Variants in SDK1 observed in about 807,000 individuals in gnomAD.
SDK1 encodes the protein protein sidekick-1.
SDK1 carries 157 observed loss-of-function variants against 245.5 expected under a neutral mutation model. The observed-to-expected ratio is 0.64, with a 90% CI of 0.56 to 0.73. The LOEUF (loss-of-function observed/expected upper bound fraction) is 0.73. Among genes scored for constraint, SDK1 ranks in the 30% least tolerant of loss-of-function variants. The pLI, the probability that SDK1 is intolerant of heterozygous loss-of-function variation, is 0.00. For missense variants in SDK1, 3,583 were observed against 3,002.3 expected, an observed-to-expected ratio of 1.19 and a Z score of -4.52; for synonymous variants, 1,647 against 1,278.5, an observed-to-expected ratio of 1.29 and a Z score of -6.15.
At chr7:3,612,862 C>T (rs772126839) in intron 1 of SDK1, among the ~76,000 whole-genome samples, 8 of 152,264 alleles carry the variant, frequency 5.3e-5, no homozygotes, top group East Asian at 1.9e-4. Context: ...TACAGCTCAT[C>T]GTCACTTCAC....
At chr7:3,565,854 T>TC (rs1317917584) in intron 1 of SDK1, among the ~76,000 whole-genome samples, 1 of 152,222 alleles carries the variant, frequency 6.6e-6, no homozygotes, top group Non-Finnish European at 1.5e-5. Flanking sequence ...TGCAATTTTT[T>TC]CCGAATATTT....
intron 1 of SDK1, among the ~76,000 whole-genome samples, chr7:3,394,865 AG>A (rs555651091): frequency 5.3e-5 from 8 of 152,078 alleles, no homozygotes; most frequent in Non-Finnish European, 1.2e-4. Context: ...CCTGTGAACT[AG>A]ATGTGCTTTT....
intron 4 of SDK1, among the ~76,000 whole-genome samples, chr7:3,645,061 C>T (rs1475539231): frequency 6.6e-6 from 1 of 152,156 alleles, no homozygotes; most frequent in Non-Finnish European, 1.5e-5. Flanking sequence ...ATTAATCTAC[C>T]TGTTAACCTG....
intron 1 of SDK1, among the ~76,000 whole-genome samples, chr7:3,364,902 G>A (rs896438269): frequency 3.9e-5 from 6 of 152,014 alleles, no homozygotes; most frequent in African/African-American, 9.7e-5. Flanking sequence ...CTATGAACAT[G>A]GTATGTCTCA....
At position 3,330,298 on chromosome 7, in the gene SDK1, A is replaced by G. The variant is rs751495574; in HGVS notation, c.298+28414A>G. 3.9e-5 allele frequency among the ~76,000 whole-genome samples: 6 copies of G among 152,310 alleles called. No individual in the cohort carries two copies. In the East Asian group the frequency reaches 5.8e-4, roughly 15 times the overall value. On this transcript the variant is annotated intron_variant, in intron 1 of 44. Coordinates refer to ENST00000404826, the MANE Select transcript of SDK1 (RefSeq NM_152744.4). Reference sequence around the variant, plus strand: ...GTGGCTGCATTAGTTTACATTTCCAATACCAGTGTGTGAGGGTTCCAATTT... The same window carrying G: ...GTGGCTGCATTAGTTTACATTTCCAGTACCAGTGTGTGAGGGTTCCAATTT...
chr7:3,605,592 T>C (rs1781397035), intron 1 of SDK1, among the ~76,000 whole-genome samples: 2 of 152,204 alleles, frequency 1.3e-5, no homozygotes, highest in African/African-American at 4.8e-5. Context: ...TTTTCTCTCT[T>C]GAATAATAGA....
In SDK1 at chr7:3,684,802, G is replaced by A. The variant is rs551268134; in HGVS notation, c.713+42697G>A. 2.8e-4 allele frequency among the ~76,000 whole-genome samples: 43 copies of A among 151,996 alleles called. 1 individual carries two copies. In the South Asian group the frequency reaches 7.9e-3, roughly 28 times the overall value. On this transcript the variant is annotated intron_variant, in intron 4 of 44. Coordinates refer to ENST00000404826, the MANE Select transcript of SDK1 (RefSeq NM_152744.4). ...AAAATCTTAGCACAGAAATAAAAGAGCCAATGGAAAGCAGAGAACTGAAAA... is the reference window on the plus strand; with the variant it reads ...AAAATCTTAGCACAGAAATAAAAGAACCAATGGAAAGCAGAGAACTGAAAA...
At chr7:4,025,394 A>G (rs1016707650) in intron 17 of SDK1, among the ~76,000 whole-genome samples, 3 of 152,252 alleles carry the variant, frequency 2.0e-5, no homozygotes, top group African/African-American at 7.2e-5. Flanking sequence ...GCCGAGGCAC[A>G]TAGCGGAGGA....
chr7:3,917,942 G>A (rs534773975), intron 5 of SDK1, among the ~76,000 whole-genome samples: 273 of 152,208 alleles, frequency 1.8e-3, no homozygotes, highest in Middle Eastern at 3.4e-3. Context: ...TCAAACCCTC[G>A]GTAAAGCAGA....
chr7:3,499,457 C>A (rs1782127174), intron 1 of SDK1, among the ~76,000 whole-genome samples: 1 of 152,136 alleles, frequency 6.6e-6, no homozygotes, highest in African/African-American at 2.4e-5. Context: ...CTCCAAACTA[C>A]CCAACTTCAG....
intron 16 of SDK1, among the ~76,000 whole-genome samples, chr7:4,016,344 A>G (rs1701189492): frequency 6.6e-6 from 1 of 152,252 alleles, no homozygotes; most frequent in Non-Finnish European, 1.5e-5. Flanking sequence ...CCTACTGGGC[A>G]TGCCCCTGGC....
chr7:3,444,514 T>C (rs1780290013), intron 1 of SDK1, among the ~76,000 whole-genome samples: 1 of 152,250 alleles, frequency 6.6e-6, no homozygotes. Flanking sequence ...TTTCTCCTTA[T>C]TTAAGAACTT....
At chr7:3,616,584 T>A (rs184703058) in intron 1 of SDK1, among the ~76,000 whole-genome samples, 1 of 152,230 alleles carries the variant, frequency 6.6e-6, no homozygotes, top group African/African-American at 2.4e-5. Context: ...TCTCCTACTG[T>A]AAGTTCTTGC....
At chr7:3,403,027 C>T (rs946506068) in intron 1 of SDK1, among the ~76,000 whole-genome samples, 3 of 152,024 alleles carry the variant, frequency 2.0e-5, no homozygotes, top group African/African-American at 4.8e-5. Context: ...CTCTGCCTCC[C>T]GGGTTCAAGT....
intron 29 of SDK1, among the ~76,000 whole-genome samples, chr7:4,148,263 A>G (rs1339317177): frequency 6.6e-6 from 1 of 152,230 alleles, no homozygotes; most frequent in African/African-American, 2.4e-5. Flanking sequence ...CCGACAATCA[A>G]TTGCAGCTTT....
chr7:3,357,243 G>T (rs563765966), intron 1 of SDK1, among the ~76,000 whole-genome samples: 1 of 146,500 alleles, frequency 6.8e-6, no homozygotes, highest in South Asian at 2.2e-4. Context: ...TTCTGTTGTT[G>T]ATGTATATGT....
chr7:4,163,953 G>C (rs1781334144), intron 32 of SDK1, among the ~76,000 whole-genome samples: 1 of 152,192 alleles, frequency 6.6e-6, no homozygotes, highest in Non-Finnish European at 1.5e-5. Flanking sequence ...TTAACAAGCT[G>C]GGTTCTGTGA....
At chr7:3,668,681 C>T (rs1230294386) in intron 4 of SDK1, among the ~76,000 whole-genome samples, 2 of 152,188 alleles carry the variant, frequency 1.3e-5, no homozygotes, top group Non-Finnish European at 2.9e-5. Flanking sequence ...ATCCCACCTA[C>T]TCGGGAGGCT....
At position 3,324,574 on chromosome 7, in the gene SDK1, C is replaced by G. The variant is rs138566557; in HGVS notation, c.298+22690C>G. 1.7e-3 allele frequency among the ~76,000 whole-genome samples: 253 copies of G among 152,244 alleles called. 1 individual carries two copies. The highest frequency in any genetic ancestry group is 5.7e-3 in the African/African-American group (237 of 41,554). On this transcript the variant is annotated intron_variant, in intron 1 of 44. Transcript: ENST00000404826. Reference sequence around the variant, plus strand: ...ATCAAAGATGAAGTGGAACTAGATACTTTATCTTCCCTGTAATAGGAAATA... The same window carrying G: ...ATCAAAGATGAAGTGGAACTAGATAGTTTATCTTCCCTGTAATAGGAAATA...
Sources: gnomAD v4.1 joint callset for allele counts (sites outside exome capture counted in the v4.1 genomes callset) on GRCh38, gnomAD v4.1.1 for gene constraint, MANE v1.5 for transcripts, NCBI Gene and HGNC (gene_info 2026-07-23, HGNC 2026-07-21) for gene names.